GYPB: variants seen among roughly 807,000 people sequenced by gnomAD.
GYPB encodes the protein glycophorin B (MNS blood group).
A neutral mutation model predicts 15.3 loss-of-function variants in GYPB; 13 were observed. That is an observed-to-expected ratio of 0.85 (90% confidence interval 0.55 to 1.35). The LOEUF (loss-of-function observed/expected upper bound fraction) is 1.35, where lower values mean the gene tolerates loss of function less well. Ranked by LOEUF, GYPB falls within the 40% of genes most tolerant of loss-of-function variation. The pLI, the probability that GYPB is intolerant of heterozygous loss-of-function variation, is 0.00. For synonymous variants in GYPB, 38 were observed against 36.9 expected (o/e 1.03, Z -0.11); for missense variants, 131 against 108.3 (o/e 1.21, Z -0.93).
At chr4:144,001,048 A>C in intron 2 of GYPB, 137 bp downstream of exon 2, 1 of 1,431,538 alleles carries the variant, frequency 7.0e-7, no homozygotes, top group South Asian at 1.2e-5. Context: ...AATTGTGTCT[A>C]CTTAGTAGGC....
chr4:143,997,583 C>G lies in GYPB; in HGVS notation c.227G>C (p.Gly76Ala), dbSNP rs747894019. 1.9e-6 allele frequency: 3 copies of G among 1,600,446 alleles called. No homozygotes were observed. The highest frequency in any genetic ancestry group is 2.7e-5 in the African/African-American group (2 of 72,962). ...IILCVMAGII[G>A]TILLISYSIR... Reference sequence around the variant, plus strand: ...ACTGTAAGAAATTAAGAGGATCGTTCCAATAATACCAGCCATCACACACAA... The same window carrying G: ...ACTGTAAGAAATTAAGAGGATCGTTGCAATAATACCAGCCATCACACACAA... Residue 76 changes from glycine to alanine, a missense_variant, in exon 4 of 5, where the codon GGA (glycine) becomes GCA (alanine). Transcript: ENST00000502664.
intron 1 of GYPB, among the ~76,000 whole-genome samples, chr4:144,011,737 T>C (rs1473599466): frequency 1.3e-5 from 2 of 151,322 alleles, no homozygotes; most frequent in Non-Finnish European, 2.9e-5. Context: ...AACGAATCAA[T>C]AAGGACAGAT....
Position 144,007,117 on chromosome 4 carries a change from G to C in GYPB, c.38-5834C>G, listed in dbSNP as rs1362014262. The stretch of plus-strand genomic sequence containing the variant: ...GCCATTCATTTTTCTTTTTTGGAAG[G>C]TTTTTATTAAGCCAAAGCAGCCAAC... On this transcript the variant is annotated intron_variant, in intron 1 of 4. Coordinates refer to ENST00000502664, the MANE Select transcript of GYPB (RefSeq NM_002100.6). Among the ~76,000 whole-genome samples the C allele has an allele frequency of 6.5e-3, 976 of 149,738 alleles. 12 individuals carry two copies. Among genetic ancestry groups the C allele is most frequent in the African/African-American group, 0.023 (920 of 39,158 alleles).
At chr4:144,002,542 C>T (rs188351178) in intron 1 of GYPB, 20 of 1,230,584 alleles carry the variant, frequency 1.6e-5, no homozygotes, top group Non-Finnish European at 2.1e-5. Context: ...TTATGATAAA[C>T]ATCAGTACCC....
intron 1 of GYPB, among the ~76,000 whole-genome samples, chr4:144,016,018 G>A (rs1253437565): frequency 6.6e-6 from 1 of 150,844 alleles, no homozygotes; most frequent in Non-Finnish European, 1.5e-5. Flanking sequence ...GGACACATAA[G>A]CGAAGACACA....
intron 2 of GYPB, 94 bp downstream of exon 2, chr4:144,001,091 G>T (rs938555335): frequency 3.8e-6 from 6 of 1,598,834 alleles, no homozygotes; most frequent in Non-Finnish European, 5.1e-6. Context: ...CTCAGTGTTT[G>T]TCAGTTTCTC....
chr4:144,011,775 C>T (rs964113111), intron 1 of GYPB, among the ~76,000 whole-genome samples: 1 of 151,300 alleles, frequency 6.6e-6, no homozygotes, highest in Non-Finnish European at 1.5e-5. Context: ...CATTCCCATA[C>T]ACTCATTTTG....
At chr4:144,011,063 CAG>C (rs2149966551) in intron 1 of GYPB, among the ~76,000 whole-genome samples, 1 of 151,610 alleles carries the variant, frequency 6.6e-6, no homozygotes, top group African/African-American at 2.4e-5. Flanking sequence ...TGTTAAAAGA[CAG>C]AAACTTTTAG....
At position 143,996,243 on chromosome 4, in the gene GYPB, A is replaced by G; in HGVS notation, c.*56T>C. The G allele has an allele frequency of 6.5e-7, 1 of 1,550,350 alleles. No individual in the cohort carries two copies. The highest frequency in any genetic ancestry group is 1.2e-5 in the South Asian group (1 of 84,024). On this transcript the variant is annotated 3_prime_UTR_variant, in exon 5 of 5. Transcript: ENST00000502664. The stretch of plus-strand genomic sequence containing the variant: ...GGTGCAGCCAGTTTGCATAAACAAG[A>G]GAACAGCAGGTGCAGCCGGTTCTAG...
At chr4:144,011,564 G>A (rs1728223289) in intron 1 of GYPB, among the ~76,000 whole-genome samples, 2 of 151,000 alleles carry the variant, frequency 1.3e-5, no homozygotes, top group Admixed American at 1.3e-4. Context: ...ATAGCAACGA[G>A]AAACATAAAG....
At chr4:144,008,624 T>C (rs1358056892) in intron 1 of GYPB, among the ~76,000 whole-genome samples, 1 of 151,594 alleles carries the variant, frequency 6.6e-6, no homozygotes, top group Non-Finnish European at 1.5e-5. Flanking sequence ...CACTTTAGTC[T>C]AAGATATTGG....
downstream of GYPB, among the ~76,000 whole-genome samples, chr4:143,995,856 G>A (rs576483529): frequency 2.4e-3 from 362 of 151,346 alleles, 2 homozygotes; most frequent in Non-Finnish European, 3.5e-3. Context: ...TTACAGTGCC[G>A]TTTCAGCAGT....
chr4:143,999,034 C>T (rs1560704125), intron 3 of GYPB, among the ~76,000 whole-genome samples: 1 of 151,018 alleles, frequency 6.6e-6, no homozygotes, highest in Non-Finnish European at 1.5e-5. Flanking sequence ...AGCCAGCCTC[C>T]CAAGCAGTTG....
At chr4:144,015,150 T>C (rs533816353) in intron 1 of GYPB, among the ~76,000 whole-genome samples, 1 of 151,612 alleles carries the variant, frequency 6.6e-6, no homozygotes, top group Non-Finnish European at 1.5e-5. Flanking sequence ...GTTTACTTTT[T>C]AAAATATATT....
intron 1 of GYPB, among the ~76,000 whole-genome samples, chr4:144,007,795 C>T (rs1477885320): frequency 2.0e-5 from 3 of 151,414 alleles, no homozygotes; most frequent in Non-Finnish European, 1.5e-5. Context: ...TCTTTTTAAG[C>T]TTTAAAAAAA....
At chr4:144,017,079 C>T (rs1412222620) in intron 1 of GYPB, among the ~76,000 whole-genome samples, 1 of 150,696 alleles carries the variant, frequency 6.6e-6, no homozygotes, top group Non-Finnish European at 1.5e-5. Flanking sequence ...TCCCACCATC[C>T]ACTGCTCCCA....
In GYPB at chr4:144,009,834, C is replaced by T. The variant is rs189363470; in HGVS notation, c.38-8551G>A. Among the ~76,000 whole-genome samples the T allele has an allele frequency of 4.8e-3, 727 of 150,548 alleles. 38 individuals are homozygous for T. The highest frequency in any genetic ancestry group is 0.017 in the African/African-American group (681 of 40,192). On this transcript the variant is annotated intron_variant, in intron 1 of 4. Coordinates refer to ENST00000502664, the MANE Select transcript of GYPB (RefSeq NM_002100.6). The stretch of plus-strand genomic sequence containing the variant: ...TTCACTGTGTTAGCCAGGACGATCT[C>T]GATCTCCTGACCTCGTGATCCGCCC...
chr4:144,013,960 CAAAGATAT>C (rs961557966), intron 1 of GYPB, among the ~76,000 whole-genome samples: 2 of 151,254 alleles, frequency 1.3e-5, no homozygotes, highest in Non-Finnish European at 2.9e-5. Context: ...AACATTTCTC[CAAAGATAT>C]GCAAAATGCA....
rs10594193 is a variant in GYPB at position 144,016,140 on chromosome 4, GAAAAAAAAAAA to G, written c.37+3100_37+3110del. 2.8e-4 allele frequency among the ~76,000 whole-genome samples: 11 copies of G among 38,860 alleles called. 1 individual carries two copies. The highest frequency in any genetic ancestry group is 0.034 in the Middle Eastern group (2 of 58). The allele number at this position is 38,860 out of a possible 152,430, so 25.5% of individuals were successfully genotyped here. A position where few individuals can be genotyped will look rare whatever the true frequency, so the allele number is the denominator to read the frequency against. ...AGCAAGGCTCTCTTCTTGGATCCCTGAAAAAAAAAAAAAAAAAAAAAAAAAAAAAAGAGATG... is the reference window on the plus strand; with the variant it reads ...AGCAAGGCTCTCTTCTTGGATCCCTGAAAAAAAAAAAAAAAAAAAGAGATG... On this transcript the variant is annotated intron_variant, in intron 1 of 4. Coordinates refer to ENST00000502664, the MANE Select transcript of GYPB (RefSeq NM_002100.6).
Sources: allele counts gnomAD v4.1 joint callset (sites outside exome capture counted in the v4.1 genomes callset), GRCh38; gene constraint gnomAD v4.1.1; transcripts MANE v1.5; gene names NCBI Gene and HGNC (gene_info 2026-07-23, HGNC 2026-07-21).